The following CTNND2 variants were observed in gnomAD, a reference collection of about 807,000 sequenced individuals.
The protein encoded by CTNND2 is catenin delta 2.
Under a neutral mutation model 144.4 loss-of-function variants are expected in CTNND2, and 22 were observed. The ratio of observed to expected loss-of-function variants is 0.15; its 90% confidence interval spans 0.11 to 0.22. The LOEUF (loss-of-function observed/expected upper bound fraction) is 0.22, where lower values mean the gene tolerates loss of function less well. Among genes scored for constraint, CTNND2 ranks in the 10% least tolerant of loss-of-function variants. The pLI is 1.00. For missense variants in CTNND2, 1,353 were observed against 1,618.8 expected, an observed-to-expected ratio of 0.84 and a Z score of 2.82; for synonymous variants, 751 against 695.6, an observed-to-expected ratio of 1.08 and a Z score of -1.25.
chr5:11,692,881 C>A (rs1352088703), intron 2 of CTNND2, among the ~76,000 whole-genome samples: 1 of 152,192 alleles, frequency 6.6e-6, no homozygotes, highest in African/African-American at 2.4e-5. Context: ...GGATTACGGG[C>A]ATGGGCCACT....
intron 3 of CTNND2, among the ~76,000 whole-genome samples, chr5:11,495,223 G>A (rs1036931624): frequency 3.3e-5 from 5 of 152,052 alleles, no homozygotes; most frequent in Non-Finnish European, 7.4e-5. Context: ...TCTTTTTTCA[G>A]TCAAATGGTC....
chr5:10,972,776 C>CT lies in CTNND2; in HGVS notation c.*676dup, dbSNP rs70947237. ...ACTGCTAAATATTCCTTTTTTCCTG[C>CT]TTTTTTTTTTTTTTGTTAAAACATA... On this transcript the variant is annotated 3_prime_UTR_variant, in exon 22 of 22. Transcript: ENST00000304623. 0.016 allele frequency: 2,226 copies of CT among 138,206 alleles called. 43 individuals are homozygous for CT. Among genetic ancestry groups the CT allele is most frequent in the African/African-American group, 0.041 (1,530 of 37,668 alleles). 8.6% of individuals were successfully genotyped at this position (138,206 alleles called of 1,614,324 possible).
chr5:11,719,133 C>A (rs556996022), intron 2 of CTNND2, among the ~76,000 whole-genome samples: 3 of 152,118 alleles, frequency 2.0e-5, no homozygotes, highest in Non-Finnish European at 2.9e-5. Flanking sequence ...TGTTACATAA[C>A]CAAGGCCGTT....
At chr5:11,228,822 C>A (rs1156485992) in intron 10 of CTNND2, among the ~76,000 whole-genome samples, 1 of 152,122 alleles carries the variant, frequency 6.6e-6, no homozygotes, top group Non-Finnish European at 1.5e-5. Flanking sequence ...GATATTTGGA[C>A]CCTCCCACTA....
chr5:11,337,393 G>T (rs972111834), intron 9 of CTNND2, among the ~76,000 whole-genome samples: 1 of 151,938 alleles, frequency 6.6e-6, no homozygotes, highest in Non-Finnish European at 1.5e-5. Context: ...TTTTTCAAAT[G>T]CAGATGAAGA....
intron 7 of CTNND2, among the ~76,000 whole-genome samples, chr5:11,383,659 C>A (rs1310084978): frequency 1.3e-5 from 2 of 152,148 alleles, no homozygotes; most frequent in African/African-American, 4.8e-5. Context: ...CAACAAGCTC[C>A]TTTTTTAAAT....
intron 9 of CTNND2, among the ~76,000 whole-genome samples, chr5:11,237,764 C>G (rs1321287691): frequency 6.6e-6 from 1 of 152,124 alleles, no homozygotes; most frequent in African/African-American, 2.4e-5. Context: ...CAAGAGAAAA[C>G]AGAATTGGAT....
chr5:11,499,389 G>C (rs914452633), intron 3 of CTNND2, among the ~76,000 whole-genome samples: 5 of 152,124 alleles, frequency 3.3e-5, no homozygotes, highest in South Asian at 4.1e-4. Flanking sequence ...CCTGACAAGA[G>C]GCCAGACAAT....
intron 16 of CTNND2, among the ~76,000 whole-genome samples, chr5:11,052,152 G>A (rs2149583735): frequency 6.6e-6 from 1 of 152,254 alleles, no homozygotes; most frequent in Non-Finnish European, 1.5e-5. Flanking sequence ...CTGTTAGATG[G>A]AAATACATTT....
chr5:11,506,381 T>TA (rs1356985453), intron 3 of CTNND2, among the ~76,000 whole-genome samples: 2 of 152,234 alleles, frequency 1.3e-5, no homozygotes, highest in African/African-American at 4.8e-5. Flanking sequence ...GTTTACTTTT[T>TA]ATGCCAAAGC....
chr5:11,555,610 C>G (rs1173485384), intron 3 of CTNND2, among the ~76,000 whole-genome samples: 1 of 151,882 alleles, frequency 6.6e-6, no homozygotes, highest in Non-Finnish European at 1.5e-5. Flanking sequence ...TTTAGAATAT[C>G]CCTCCTGCTT....
At chr5:11,655,816 G>A (rs1782883133) in intron 2 of CTNND2, among the ~76,000 whole-genome samples, 1 of 151,966 alleles carries the variant, frequency 6.6e-6, no homozygotes, top group Non-Finnish European at 1.5e-5. Flanking sequence ...CACACACACT[G>A]TGGTTTCAGT....
Position 11,527,791 on chromosome 5 carries a change from C to T in CTNND2, c.287+37153G>A, listed in dbSNP as rs186004575. Among the ~76,000 whole-genome samples, 733 of 152,022 alleles carry T rather than the reference C, an allele frequency of 4.8e-3. 6 individuals are homozygous for T. The highest frequency in any genetic ancestry group is 0.017 in the African/African-American group (703 of 41,358). Reference sequence around the variant, plus strand: ...AAGGGTGATCTTATGCTTTATGTTTCCCTGGGCACTTAACAGAGAACAGTG... The same window carrying T: ...AAGGGTGATCTTATGCTTTATGTTTTCCTGGGCACTTAACAGAGAACAGTG... On this transcript the variant is annotated intron_variant, in intron 3 of 21. Coordinates refer to ENST00000304623, the MANE Select transcript of CTNND2 (RefSeq NM_001332.4).
intron 6 of CTNND2, among the ~76,000 whole-genome samples, chr5:11,390,185 G>A (rs544913629): frequency 5.3e-5 from 8 of 152,270 alleles, no homozygotes; most frequent in African/African-American, 1.7e-4. Flanking sequence ...GAGATCTATC[G>A]ATGGAGTATT....
chr5:11,311,537 C>T (rs1273332546), intron 9 of CTNND2, among the ~76,000 whole-genome samples: 2 of 148,674 alleles, frequency 1.3e-5, no homozygotes, highest in South Asian at 2.2e-4. Context: ...CACTCACACA[C>T]ACACTCTCAC....
rs74815838 is a variant in CTNND2 at position 11,126,871 on chromosome 5, G to A, written c.2160-9304C>T. 3.2e-3 allele frequency among the ~76,000 whole-genome samples: 485 copies of A among 152,226 alleles called. 19 individuals are homozygous for A. The East Asian group carries it at 0.073, about 23-fold the overall frequency. ...GTGGTAACTTAAAAAATAAGGACAC[G>A]GAACATAATAAACATGTTTCCAGCA... On this transcript the variant is annotated intron_variant, in intron 12 of 21. Transcript: ENST00000304623.
At chr5:11,785,741 C>G (rs1251195742) in intron 1 of CTNND2, among the ~76,000 whole-genome samples, 1 of 152,186 alleles carries the variant, frequency 6.6e-6, no homozygotes, top group Non-Finnish European at 1.5e-5. Context: ...GGGTTACTAG[C>G]ATCTTCCCCA....
At chr5:11,259,915 C>T (rs975951203) in intron 9 of CTNND2, among the ~76,000 whole-genome samples, 2 of 152,124 alleles carry the variant, frequency 1.3e-5, no homozygotes, top group Admixed American at 6.5e-5. Flanking sequence ...TGCTTTTTCA[C>T]TAATATTTTT....
At chr5:11,200,671 T>C (rs1171637378) in intron 10 of CTNND2, among the ~76,000 whole-genome samples, 1 of 152,016 alleles carries the variant, frequency 6.6e-6, no homozygotes, top group Admixed American at 6.6e-5. Flanking sequence ...TTCTCTTTCT[T>C]TCTTTTCTTT....
Sources: allele counts gnomAD v4.1 joint callset (sites outside exome capture counted in the v4.1 genomes callset), GRCh38; gene constraint gnomAD v4.1.1; transcripts MANE v1.5; gene names NCBI Gene and HGNC (gene_info 2026-07-23, HGNC 2026-07-21).